The following TENM2 variants were observed in gnomAD, a reference collection of about 807,000 sequenced individuals.
TENM2 encodes the protein teneurin-2.
Under a neutral mutation model 245.2 loss-of-function variants are expected in TENM2, and 52 were observed. The observed-to-expected ratio is 0.21, with a 90% CI of 0.17 to 0.27. The LOEUF is 0.27. TENM2 is among the 10% of genes least tolerant of loss of function. The probability of loss-of-function intolerance (pLI) is 1.00; values close to 1 mark genes in which losing one functional copy is unlikely to be tolerated. For synonymous variants in TENM2, 1,363 were observed against 1,438.9 expected, an observed-to-expected ratio of 0.95 and a Z score of 1.19; for missense variants, 3,046 against 3,666.8, an observed-to-expected ratio of 0.83 and a Z score of 4.37.
intron 7 of TENM2, among the ~76,000 whole-genome samples, chr5:168,063,016 C>T (rs563049417): frequency 3.9e-5 from 6 of 152,208 alleles, no homozygotes; most frequent in South Asian, 4.1e-4. Flanking sequence ...TTCACAGTGT[C>T]GTATGAATTT....
At chr5:167,930,883 T>C (rs1778225940) in intron 3 of TENM2, among the ~76,000 whole-genome samples, 1 of 152,116 alleles carries the variant, frequency 6.6e-6, no homozygotes, top group Non-Finnish European at 1.5e-5. Context: ...TGATAGAAAA[T>C]GCCCAATTTC....
chr5:167,171,250 C>T, the TENM2 span, among the ~76,000 whole-genome samples: 1 of 152,160 alleles, frequency 6.6e-6, no homozygotes, highest in Non-Finnish European at 1.5e-5. Flanking sequence ...TTTATATTTA[C>T]CATAACTATA....
the TENM2 span, among the ~76,000 whole-genome samples, chr5:167,124,603 G>A: frequency 5.8e-3 from 874 of 151,940 alleles, 12 homozygotes; most frequent in African/African-American, 0.02. Context: ...CTTTCCTTTG[G>A]TAAAACTCTC....
At chr5:167,122,425 T>C in the TENM2 span, among the ~76,000 whole-genome samples, 1 of 152,174 alleles carries the variant, frequency 6.6e-6, no homozygotes, top group Non-Finnish European at 1.5e-5. Context: ...GTCCTTTTCC[T>C]TCTCTTCCTC....
At chr5:167,205,672 A>G in the TENM2 span, among the ~76,000 whole-genome samples, 1 of 152,172 alleles carries the variant, frequency 6.6e-6, no homozygotes, top group African/African-American at 2.4e-5. Flanking sequence ...AACAACGTCT[A>G]CTGATGATAT....
At chr5:167,575,613 G>A (rs1310446427) in intron 2 of TENM2, among the ~76,000 whole-genome samples, 3 of 152,056 alleles carry the variant, frequency 2.0e-5, no homozygotes, top group African/African-American at 7.2e-5. Flanking sequence ...AATGGACTGT[G>A]GGTCTGATCA....
chr5:167,222,122 T>G, the TENM2 span, among the ~76,000 whole-genome samples: 1 of 152,314 alleles, frequency 6.6e-6, no homozygotes, highest in Middle Eastern at 3.4e-3. Flanking sequence ...CTTTTTTCAG[T>G]TGCCACTAGA....
chr5:168,151,338 C>A (rs539448631), intron 12 of TENM2, among the ~76,000 whole-genome samples: 3 of 152,288 alleles, frequency 2.0e-5, no homozygotes, highest in Non-Finnish European at 2.9e-5. Context: ...TACACTGATC[C>A]TATTTTAAAT....
At chr5:168,062,009 A>G in intron 6 of TENM2, 51 bp from the exon 9 acceptor site, 1 of 1,487,268 alleles carries the variant, frequency 6.7e-7, no homozygotes, top group South Asian at 1.3e-5. Context: ...TATAGAGCCA[A>G]CTAATCTATA....
intron 14 of TENM2, among the ~76,000 whole-genome samples, chr5:168,191,048 T>C (rs1466675522): frequency 1.3e-5 from 2 of 152,178 alleles, no homozygotes; most frequent in African/African-American, 2.4e-5. Context: ...AGACTTTGTG[T>C]AGATTATCTC....
intron 2 of TENM2, among the ~76,000 whole-genome samples, chr5:167,422,442 G>A (rs1763567248): frequency 6.6e-6 from 1 of 152,132 alleles, no homozygotes; most frequent in Admixed American, 6.5e-5. Context: ...AAAGCTAATA[G>A]GTGAAAAGAT....
At chr5:167,632,188 T>C (rs1288422612) in intron 2 of TENM2, among the ~76,000 whole-genome samples, 2 of 152,156 alleles carry the variant, frequency 1.3e-5, no homozygotes, top group Non-Finnish European at 2.9e-5. Flanking sequence ...GAGAGGGCTG[T>C]AGAGGCTTCC....
chr5:167,455,244 A>G (rs928337108), intron 2 of TENM2, among the ~76,000 whole-genome samples: 4 of 152,228 alleles, frequency 2.6e-5, no homozygotes, highest in African/African-American at 9.6e-5. Context: ...CTAGAACAAT[A>G]AAATACCTAA....
intron 1 of TENM2, among the ~76,000 whole-genome samples, chr5:167,350,119 T>G (rs567499195): frequency 6.6e-6 from 1 of 152,210 alleles, no homozygotes; most frequent in South Asian, 2.1e-4. Flanking sequence ...AGTGAGAACT[T>G]TTTTGGAGCT....
intron 2 of TENM2, among the ~76,000 whole-genome samples, chr5:167,499,914 ATG>A (rs376503595): frequency 0.015 from 971 of 63,764 alleles, 5 homozygotes; most frequent in East Asian, 0.041. Context: ...GAGGGTGTAT[ATG>A]TGTGTGTGTG....
chr5:167,299,831 T>C (rs1232755071), intron 1 of TENM2, among the ~76,000 whole-genome samples: 1 of 151,970 alleles, frequency 6.6e-6, no homozygotes. Flanking sequence ...CCAGGAACAA[T>C]GGTAATTATG....
the TENM2 span, among the ~76,000 whole-genome samples, chr5:167,123,916 G>A: frequency 6.6e-6 from 1 of 152,160 alleles, no homozygotes. Context: ...TTATGAAAAA[G>A]GTGGATCTTT....
intron 11 of TENM2, among the ~76,000 whole-genome samples, chr5:168,126,274 G>A (rs1193083389): frequency 6.6e-6 from 1 of 152,148 alleles, no homozygotes; most frequent in African/African-American, 2.4e-5. Context: ...GCTGTCAGTG[G>A]GGGAGGAATC....
intron 7 of TENM2, among the ~76,000 whole-genome samples, chr5:168,062,870 T>C (rs945895999): frequency 2.6e-5 from 4 of 152,174 alleles, no homozygotes; most frequent in South Asian, 2.1e-4. Context: ...GAACTGGGAA[T>C]TGGGGCTAAC....
Sources: gnomAD v4.1 joint callset for allele counts (sites outside exome capture counted in the v4.1 genomes callset) on GRCh38, gnomAD v4.1.1 for gene constraint, MANE v1.5 for transcripts, NCBI Gene and HGNC (gene_info 2026-07-23, HGNC 2026-07-21) for gene names.